The following POU2F3 variants were observed in gnomAD, a reference collection of about 807,000 sequenced individuals.
POU2F3 encodes the protein POU class 2 homeobox 3.
In POU2F3, 23 loss-of-function variants were observed where a neutral mutation model predicts 59.2. The ratio of observed to expected loss-of-function variants is 0.39; its 90% confidence interval spans 0.28 to 0.55. The LOEUF (loss-of-function observed/expected upper bound fraction) is 0.55. POU2F3 is among the 20% of genes least tolerant of loss of function. POU2F3 has a pLI of 0.66. For missense variants in POU2F3, 473 were observed against 544.5 expected (o/e 0.87, Z 1.31); for synonymous variants, 190 against 214.6 (o/e 0.89, Z 1.00).
chr11:120,265,132 G>A (rs970728792), intron 2 of POU2F3, among the ~76,000 whole-genome samples: 8 of 152,206 alleles, frequency 5.3e-5, no homozygotes, highest in Non-Finnish European at 8.8e-5. Flanking sequence ...CAGTGACCAC[G>A]GAAGGAAAGC....
At chr11:120,239,579 C>G (rs1938582645), upstream of POU2F3, among the ~76,000 whole-genome samples, 1 of 152,170 alleles carries the variant, frequency 6.6e-6, no homozygotes, top group Non-Finnish European at 1.5e-5. Context: ...AAACTGCACC[C>G]CGTCTAAATC....
chr11:120,318,248 T>C (rs954612010), intron 12 of POU2F3, 105 bp from the exon 13 acceptor site: 8 of 1,060,540 alleles, frequency 7.5e-6, no homozygotes, highest in Admixed American at 3.8e-5. Context: ...ATGTTTTTAT[T>C]ACTCCTACCT....
intron 3 of POU2F3, among the ~76,000 whole-genome samples, chr11:120,269,539 G>A (rs1939974558): frequency 6.6e-6 from 1 of 152,156 alleles, no homozygotes; most frequent in South Asian, 2.1e-4. Context: ...TCCTGTCAAT[G>A]CTTAGCCTGA....
chr11:120,296,378 A>G (rs1349048217), intron 3 of POU2F3, among the ~76,000 whole-genome samples: 1 of 152,228 alleles, frequency 6.6e-6, no homozygotes, highest in Non-Finnish European at 1.5e-5. Flanking sequence ...TAATTGTCCA[A>G]CCAAAGATAA....
At chr11:120,267,565 G>T (rs924301012) in intron 2 of POU2F3, among the ~76,000 whole-genome samples, 2 of 131,814 alleles carry the variant, frequency 1.5e-5, no homozygotes, top group East Asian at 9.7e-4. Flanking sequence ...TCAGAGATGC[G>T]TCATGACCTC....
intron 5 of POU2F3, 71 bp downstream of exon 5, chr11:120,299,797 G>A: frequency 7.4e-7 from 1 of 1,359,808 alleles, no homozygotes; most frequent in Non-Finnish European, 1.0e-6. Flanking sequence ...TTTTTTGCTG[G>A]GTGAGGGGGC....
At chr11:120,316,235 T>C (rs1446546085) in intron 11 of POU2F3, among the ~76,000 whole-genome samples, 3 of 152,122 alleles carry the variant, frequency 2.0e-5, no homozygotes, top group African/African-American at 7.2e-5. Flanking sequence ...TGTCACCCTA[T>C]CCATAGAACA....
intron 3 of POU2F3, among the ~76,000 whole-genome samples, chr11:120,277,249 C>T (rs1940371809): frequency 6.6e-6 from 1 of 151,084 alleles, no homozygotes; most frequent in Non-Finnish European, 1.5e-5. Flanking sequence ...CGAGATCGTG[C>T]CACTGCACTC....
In POU2F3 at chr11:120,315,396, C is replaced by A; in HGVS notation, c.1104C>A (p.Val368=). Residue 368 remains valine, a synonymous_variant, in exon 11 of 13, where the codon GTC becomes GTA. Coordinates refer to ENST00000543440, the MANE Select transcript of POU2F3 (RefSeq NM_014352.4). ...SPSGSLGPLS[V]PPVHSTMPGT... The stretch of plus-strand genomic sequence containing the variant: ...CAGGGTCTCTGGGCCCCCTCTCTGT[C>A]CCTCCTGTCCACAGTACCATGCCTG... 2.5e-6 allele frequency: 4 copies of A among 1,613,690 alleles called. No homozygotes were observed. The highest frequency in any genetic ancestry group is 3.4e-6 in the Non-Finnish European group (4 of 1,179,604).
upstream of POU2F3, among the ~76,000 whole-genome samples, chr11:120,238,602 T>C (rs2135108361): frequency 6.6e-6 from 1 of 152,094 alleles, no homozygotes; most frequent in South Asian, 2.1e-4. Context: ...TTTGGGAGGC[T>C]GAGGCGGGTG....
At chr11:120,240,709 C>T (rs1282923568) in intron 1 of POU2F3, among the ~76,000 whole-genome samples, 2 of 152,138 alleles carry the variant, frequency 1.3e-5, no homozygotes, top group Non-Finnish European at 1.5e-5. Flanking sequence ...GGTTCACTCA[C>T]TCAGCCAGGG....
At chr11:120,310,610 G>T (rs905359073) in intron 10 of POU2F3, among the ~76,000 whole-genome samples, 15 of 152,118 alleles carry the variant, frequency 9.9e-5, no homozygotes, top group African/African-American at 3.6e-4. Flanking sequence ...GGTGTGGGAA[G>T]GTTCTTCTCT....
chr11:120,285,688 C>A lies in POU2F3; in HGVS notation c.133-12577C>A, dbSNP rs1940755452. On this transcript the variant is annotated intron_variant, in intron 3 of 12. Coordinates refer to ENST00000543440, the MANE Select transcript of POU2F3 (RefSeq NM_014352.4). This position sits in a 1 kb window ranked among gnomAD's most constrained non-coding sequence, Gnocchi z 4.3. ...GGGTAGCGTATATATGTCTGGAAGA[C>A]TTTTTCTCTGGATATATATTACAAA... 6.6e-6 allele frequency among the ~76,000 whole-genome samples: 1 copy of A among 152,138 alleles called. No homozygotes were observed. The highest frequency in any genetic ancestry group is 2.1e-4 in the South Asian group (1 of 4,834).
In POU2F3 at chr11:120,293,331, C is replaced by T. The variant is rs1377031885; in HGVS notation, c.133-4934C>T. 5.3e-5 allele frequency among the ~76,000 whole-genome samples: 8 copies of T among 152,300 alleles called. No individual in the cohort carries two copies. In the East Asian group the frequency reaches 1.5e-3, roughly 29 times the overall value. On this transcript the variant is annotated intron_variant, in intron 3 of 12. Transcript: ENST00000543440. The stretch of plus-strand genomic sequence containing the variant: ...CATGGAGATGGGAGAATCCCCCAAG[C>T]AAAAATGCAGCCGGTATCTCTTGGG...
chr11:120,255,970 A>G (rs1011227036), intron 2 of POU2F3: 3 of 152,170 alleles, frequency 2.0e-5, no homozygotes, highest in Non-Finnish European at 2.9e-5. Context: ...GTGAGGACAG[A>G]TGGATTCTGG....
chr11:120,236,651 C>T (rs937116704), upstream of POU2F3: 44 of 1,484,590 alleles, frequency 3.0e-5, no homozygotes, highest in African/African-American at 4.7e-4. Context: ...TCACTCCAGC[C>T]CAGAGCTCAA....
Position 120,299,720 on chromosome 11 carries a change from C to A in POU2F3, c.355C>A (p.Gln119Lys). ...QFLLSQTQPG[Q>K]QGLQPNLLPF... ...CCTGCTATCTCAGACCCAGCCTGGG[C>A]AGCAAGGTAAGAACCCTGGGGGTTT... Residue 119 changes from glutamine (Q) to lysine (K), a missense_variant, in exon 5 of 13, where the codon CAG becomes AAG. Transcript: ENST00000543440. 1.2e-6 allele frequency: 2 copies of A among 1,611,726 alleles called. No homozygotes were observed. Among genetic ancestry groups the A allele is most frequent in the African/African-American group, 1.3e-5 (1 of 75,032 alleles).
intron 2 of POU2F3, among the ~76,000 whole-genome samples, chr11:120,268,669 A>T (rs1205290358): frequency 6.6e-6 from 1 of 152,158 alleles, no homozygotes; most frequent in Non-Finnish European, 1.5e-5. Flanking sequence ...TTAAGCACAT[A>T]TTTACTTTTT....
Position 120,309,491 on chromosome 11 carries a change from G to A in POU2F3, c.973G>A (p.Val325Met). ...GCAGTTGTCCATGGAGAAGGAGGTG[G>A]TGAGGGTCTGGTTCTGCAACCGACG... ...AEQLSMEKEV[V>M]RVWFCNRRQK... Residue 325 changes from valine to methionine, a missense_variant, in exon 10 of 13, where the codon GTG (valine) becomes ATG (methionine). Coordinates refer to ENST00000543440, the MANE Select transcript of POU2F3 (RefSeq NM_014352.4). 3.1e-6 allele frequency: 5 copies of A among 1,614,042 alleles called. No individual in the cohort carries two copies. The highest frequency in any genetic ancestry group is 4.2e-6 in the Non-Finnish European group (5 of 1,179,952).
Sources: gnomAD v4.1 joint callset for allele counts (sites outside exome capture counted in the v4.1 genomes callset) on GRCh38, gnomAD v4.1.1 for gene constraint, Gnocchi (gnomAD v3.1) non-coding constraint, MANE v1.5 for transcripts, NCBI Gene and HGNC (gene_info 2026-07-23, HGNC 2026-07-21) for gene names.